LYPLA1: variants seen among roughly 807,000 people sequenced by gnomAD.
The protein encoded by LYPLA1 is lysophospholipase 1, also known as acyl-protein thioesterase 1.
LYPLA1 carries 17 observed loss-of-function variants against 34.0 expected under a neutral mutation model. That is an observed-to-expected ratio of 0.50 (90% CI 0.34 to 0.75). LYPLA1 has a LOEUF of 0.75. LYPLA1 is among the 30% of genes least tolerant of loss of function. The pLI is 0.01. For synonymous variants in LYPLA1, 98 were observed against 100.8 expected, an observed-to-expected ratio of 0.97 and a Z score of 0.17; for missense variants, 203 against 288.8, an observed-to-expected ratio of 0.70 and a Z score of 2.15.
At chr8:54,093,681 T>C (rs1309985872) in intron 2 of LYPLA1, among the ~76,000 whole-genome samples, 2 of 152,218 alleles carry the variant, frequency 1.3e-5, no homozygotes, top group Non-Finnish European at 2.9e-5. Flanking sequence ...TCTCACCCTT[T>C]AATTCTTTAT....
At chr8:54,066,529 C>T (rs1202382041) in intron 2 of LYPLA1, among the ~76,000 whole-genome samples, 1 of 152,006 alleles carries the variant, frequency 6.6e-6, no homozygotes, top group African/African-American at 2.4e-5. Context: ...GCCTGTAATC[C>T]TAGCACTTTG....
intron 8 of LYPLA1, among the ~76,000 whole-genome samples, chr8:54,048,952 T>G (rs57872947): frequency 0.2 from 30,190 of 152,114 alleles, 4,313 homozygotes; most frequent in East Asian, 0.74. Context: ...AGAGCTTTTA[T>G]GAAGCTCCAA....
At chr8:54,097,865 T>C (rs149302860) in intron 2 of LYPLA1, among the ~76,000 whole-genome samples, 2 of 152,204 alleles carry the variant, frequency 1.3e-5, no homozygotes, top group African/African-American at 4.8e-5. Flanking sequence ...ATTATAACAA[T>C]ATGACAACAT....
intron 5 of LYPLA1, among the ~76,000 whole-genome samples, chr8:54,059,165 T>C (rs1416197895): frequency 1.3e-5 from 2 of 152,226 alleles, no homozygotes; most frequent in Non-Finnish European, 2.9e-5. Context: ...CCTCATACTT[T>C]TGTCATCTAT....
intron 2 of LYPLA1, among the ~76,000 whole-genome samples, chr8:54,071,585 G>C (rs1807469577): frequency 6.6e-6 from 1 of 152,160 alleles, no homozygotes; most frequent in Non-Finnish European, 1.5e-5. Flanking sequence ...AGCGATATGA[G>C]ATTTTTTTGT....
chr8:54,084,733 T>C (rs1808577696), intron 2 of LYPLA1, among the ~76,000 whole-genome samples: 4 of 152,020 alleles, frequency 2.6e-5, no homozygotes, highest in Admixed American at 6.6e-5. Flanking sequence ...ACTTGACACA[T>C]AGAAAAGATT....
intron 2 of LYPLA1, among the ~76,000 whole-genome samples, chr8:54,085,240 G>A (rs1403813363): frequency 6.6e-6 from 1 of 152,186 alleles, no homozygotes; most frequent in African/African-American, 2.4e-5. Context: ...TGCCAGCCTC[G>A]GCATCCCGAG....
chr8:54,090,229 C>T (rs1330364673), intron 2 of LYPLA1, among the ~76,000 whole-genome samples: 1 of 152,210 alleles, frequency 6.6e-6, no homozygotes, highest in Non-Finnish European at 1.5e-5. Flanking sequence ...TTCTAGGCCT[C>T]TTTAGGGTTA....
intron 2 of LYPLA1, among the ~76,000 whole-genome samples, chr8:54,095,100 C>T (rs1809584681): frequency 1.3e-5 from 2 of 151,678 alleles, no homozygotes; most frequent in South Asian, 4.2e-4. Context: ...ACCATCTTGG[C>T]TCACTGCAAC....
chr8:54,080,008 A>T (rs1462398957), intron 2 of LYPLA1, among the ~76,000 whole-genome samples: 1 of 152,188 alleles, frequency 6.6e-6, no homozygotes, highest in South Asian at 2.1e-4. Context: ...AGGGATAACT[A>T]AATAAGTTTT....
At chr8:54,067,221 C>A (rs1807129370) in intron 2 of LYPLA1, among the ~76,000 whole-genome samples, 1 of 152,056 alleles carries the variant, frequency 6.6e-6, no homozygotes, top group Admixed American at 6.6e-5. Context: ...TTTCGCTGAG[C>A]ATGGTGGCTC....
rs1036426519 is a variant in LYPLA1 at position 54,059,365 on chromosome 8, C to T, written c.286+2889G>A. 4.1e-5 allele frequency among the ~76,000 whole-genome samples: 5 copies of T among 121,928 alleles called. 1 individual carries two copies. The highest frequency in any genetic ancestry group is 4.6e-5 in the Non-Finnish European group (3 of 65,144). 80.0% of individuals were successfully genotyped at this position (121,928 alleles called of 152,430 possible). Reference sequence around the variant, plus strand: ...CAGGCCGGACTGCGGACTGCAGTGGCGCAATCTCGGCTCACTGCAAGCTCC... The same window carrying T: ...CAGGCCGGACTGCGGACTGCAGTGGTGCAATCTCGGCTCACTGCAAGCTCC... On this transcript the variant is annotated intron_variant, in intron 5 of 8. Transcript: ENST00000316963.
intron 8 of LYPLA1, 122 bp downstream of exon 8, chr8:54,050,886 GCTAA>G: frequency 1.0e-6 from 1 of 971,502 alleles, no homozygotes; most frequent in Non-Finnish European, 1.5e-6. Context: ...TCTAATGACT[GCTAA>G]CTTATGACTC....
chr8:54,097,596 G>A (rs2129373052), intron 2 of LYPLA1, among the ~76,000 whole-genome samples: 1 of 152,268 alleles, frequency 6.6e-6, no homozygotes, highest in East Asian at 1.9e-4. Context: ...ATTATATAAT[G>A]TTTAAAATAC....
At chr8:54,085,190 GT>G (rs1808622294) in intron 2 of LYPLA1, among the ~76,000 whole-genome samples, 1 of 152,258 alleles carries the variant, frequency 6.6e-6, no homozygotes, top group South Asian at 2.1e-4. Context: ...GTTTCGCCGT[GT>G]TGGCCGGGCT....
At chr8:54,099,721 T>G (rs1364834296) in intron 2 of LYPLA1, among the ~76,000 whole-genome samples, 1 of 151,918 alleles carries the variant, frequency 6.6e-6, no homozygotes, top group East Asian at 1.9e-4. Flanking sequence ...TCTCACTCTG[T>G]GGCCCAGGCT....
intron 5 of LYPLA1, among the ~76,000 whole-genome samples, chr8:54,056,666 G>C (rs1176536550): frequency 6.6e-6 from 1 of 152,174 alleles, no homozygotes; most frequent in East Asian, 1.9e-4. Context: ...TGCAATCCCA[G>C]CACTTTGGGA....
At chr8:54,080,793 G>A (rs192288490) in intron 2 of LYPLA1, among the ~76,000 whole-genome samples, 5 of 152,244 alleles carry the variant, frequency 3.3e-5, no homozygotes, top group African/African-American at 1.2e-4. Flanking sequence ...TCACCATGTT[G>A]GCCAGACTGG....
chr8:54,096,673 G>A (rs1431312682), intron 2 of LYPLA1, among the ~76,000 whole-genome samples: 1 of 151,884 alleles, frequency 6.6e-6, no homozygotes, highest in African/African-American at 2.4e-5. Flanking sequence ...AACTCAGGAG[G>A]CAGAGGTTGC....
Sources: gnomAD v4.1 joint callset for allele counts (sites outside exome capture counted in the v4.1 genomes callset) on GRCh38, gnomAD v4.1.1 for gene constraint, MANE v1.5 for transcripts, NCBI Gene and HGNC (gene_info 2026-07-23, HGNC 2026-07-21) for gene names.